Variants in SPAG16 observed in about 807,000 individuals in gnomAD.
SPAG16 encodes sperm associated antigen 16, also known as sperm-associated antigen 16 protein.
In SPAG16, 86 loss-of-function variants were observed where a neutral mutation model predicts 80.4. That is an observed-to-expected ratio of 1.07 (90% CI 0.90 to 1.28). The LOEUF (loss-of-function observed/expected upper bound fraction) is 1.28. Among genes scored for constraint, SPAG16 ranks in the 50% most tolerant of loss-of-function variants. SPAG16 has a pLI of 0.00. For missense variants in SPAG16, 870 were observed against 765.3 expected, an observed-to-expected ratio of 1.14 and a Z score of -1.61; for synonymous variants, 294 against 265.9, an observed-to-expected ratio of 1.11 and a Z score of -1.03.
rs1012044798 is a variant in SPAG16 at position 213,766,864 on chromosome 2, C to T, written c.1071-95621C>T. The stretch of plus-strand genomic sequence containing the variant: ...GGACTGAATTCTGGCCTGCAGCTTC[C>T]TTTCAACACTGTGATTTATTACCTG... On this transcript the variant is annotated intron_variant, in intron 10 of 15. Transcript: ENST00000331683. Among the ~76,000 whole-genome samples the T allele has an allele frequency of 7.2e-5, 11 of 152,278 alleles. No individual in the cohort carries two copies. In the East Asian group the frequency reaches 1.9e-3, roughly 27 times the overall value.
chr2:214,275,708 TCCAACTATG>T (rs1692414391), intron 15 of SPAG16, among the ~76,000 whole-genome samples: 2 of 152,200 alleles, frequency 1.3e-5, no homozygotes, highest in Non-Finnish European at 2.9e-5. Context: ...GTGCTTTACT[TCCAACTATG>T]TGGTCAGTTT....
intron 10 of SPAG16, among the ~76,000 whole-genome samples, chr2:213,735,801 A>G (rs1343317118): frequency 6.6e-6 from 1 of 152,232 alleles, no homozygotes; most frequent in Non-Finnish European, 1.5e-5. Context: ...CAGTTATTTC[A>G]TAGCATTGTG....
chr2:213,799,268 G>T (rs2071234036), intron 10 of SPAG16, among the ~76,000 whole-genome samples: 1 of 151,882 alleles, frequency 6.6e-6, no homozygotes, highest in South Asian at 2.1e-4. Context: ...TTATAGTTTC[G>T]AGTATAAATT....
Position 213,724,475 on chromosome 2 carries a change from AT to A in SPAG16, c.1071-138007del, listed in dbSNP as rs1222374459. On this transcript the variant is annotated intron_variant, in intron 10 of 15. Transcript: ENST00000331683. The stretch of plus-strand genomic sequence containing the variant: ...TGTATTTCCAGAGTAGGTCAAAGTC[AT>A]TTAAAAAAAGGATAAACTGGGCCGG... Among the ~76,000 whole-genome samples the A allele has an allele frequency of 9.9e-5, 15 of 152,230 alleles. No homozygotes were observed. The East Asian group carries it at 2.7e-3, about 27-fold the overall frequency.
At chr2:213,801,611 C>T (rs979527260) in intron 10 of SPAG16, among the ~76,000 whole-genome samples, 8 of 152,064 alleles carry the variant, frequency 5.3e-5, no homozygotes, top group East Asian at 1.9e-4. Flanking sequence ...AAAAAGAGTA[C>T]GGTAAAGAAA....
intron 15 of SPAG16, among the ~76,000 whole-genome samples, chr2:214,203,035 T>A (rs1296534857): frequency 6.6e-6 from 1 of 152,118 alleles, no homozygotes; most frequent in Non-Finnish European, 1.5e-5. Context: ...CCAAAACAGG[T>A]TTTAAATTCT....
In SPAG16 at chr2:214,345,022, A is replaced by G. The variant is rs577430325; in HGVS notation, c.1721-65118A>G. ...TTTTATTGCATGCCTATTATATTCC[A>G]GGCCACACAATATGATGGGAAACAA... On this transcript the variant is annotated intron_variant, in intron 15 of 15. Coordinates refer to ENST00000331683, the MANE Select transcript of SPAG16 (RefSeq NM_024532.5). Among the ~76,000 whole-genome samples the G allele has an allele frequency of 2.6e-5, 4 of 152,212 alleles. No individual in the cohort carries two copies. In the East Asian group the frequency reaches 7.7e-4, roughly 29 times the overall value.
intron 12 of SPAG16, among the ~76,000 whole-genome samples, chr2:213,948,453 TTC>T (rs1313289670): frequency 6.6e-6 from 1 of 152,156 alleles, no homozygotes; most frequent in Non-Finnish European, 1.5e-5. Flanking sequence ...TTTTTAAAAA[TTC>T]TCTCTCTCAC....
At chr2:213,909,430 G>C (rs541627716) in intron 11 of SPAG16, among the ~76,000 whole-genome samples, 1 of 152,204 alleles carries the variant, frequency 6.6e-6, no homozygotes, top group Non-Finnish European at 1.5e-5. Flanking sequence ...TCAATCCTAA[G>C]CCAAAAGAAT....
At chr2:214,031,598 T>TAATAAAATAAAATAAAATAAAATAA (rs56258151) in intron 13 of SPAG16, among the ~76,000 whole-genome samples, 29 of 132,466 alleles carry the variant, frequency 2.2e-4, no homozygotes, top group African/African-American at 8.4e-4. Context: ...AGTATAATAA[T>TAATAAAATAAAATAAAATAAAATAA]AATAAAATAA....
intron 10 of SPAG16, among the ~76,000 whole-genome samples, chr2:213,654,513 G>A (rs2063141980): frequency 1.5e-5 from 2 of 135,810 alleles, no homozygotes; most frequent in Non-Finnish European, 3.1e-5. Flanking sequence ...TGGCTAACAC[G>A]GTGAAACCCC....
intron 11 of SPAG16, among the ~76,000 whole-genome samples, chr2:213,907,197 A>G (rs2077466936): frequency 6.6e-6 from 1 of 152,170 alleles, no homozygotes; most frequent in African/African-American, 2.4e-5. Context: ...CCTACAAGCA[A>G]TCCCATTAAA....
chr2:213,660,257 G>C (rs1227827328), intron 10 of SPAG16, among the ~76,000 whole-genome samples: 1 of 151,448 alleles, frequency 6.6e-6, no homozygotes, highest in African/African-American at 2.4e-5. Context: ...CAACAGAGTG[G>C]CTATTAGTGT....
chr2:213,685,611 G>T (rs1366178785), intron 10 of SPAG16, among the ~76,000 whole-genome samples: 1 of 143,586 alleles, frequency 7.0e-6, no homozygotes, highest in East Asian at 2.1e-4. Flanking sequence ...AGTGTAGATT[G>T]CAAAGGAAGA....
chr2:214,046,359 G>T (rs2049326799), intron 13 of SPAG16, among the ~76,000 whole-genome samples: 1 of 152,108 alleles, frequency 6.6e-6, no homozygotes, highest in South Asian at 2.1e-4. Flanking sequence ...TGTGAGACCA[G>T]TATTACCCTG....
chr2:214,071,678 C>T (rs1393770023), intron 13 of SPAG16, among the ~76,000 whole-genome samples: 1 of 152,082 alleles, frequency 6.6e-6, no homozygotes, highest in African/African-American at 2.4e-5. Flanking sequence ...CTTTCCTATC[C>T]TCCTTCAATT....
chr2:213,467,671 G>A (rs1023958560), intron 9 of SPAG16, among the ~76,000 whole-genome samples: 7 of 152,218 alleles, frequency 4.6e-5, no homozygotes, highest in Non-Finnish European at 8.8e-5. Context: ...GAATGGCAAT[G>A]ACATTTTGAG....
At chr2:213,709,349 G>A (rs935313508) in intron 10 of SPAG16, among the ~76,000 whole-genome samples, 2 of 152,136 alleles carry the variant, frequency 1.3e-5, no homozygotes, top group Non-Finnish European at 2.9e-5. Flanking sequence ...CTATAGGAGG[G>A]ACAAGACATT....
At chr2:213,362,467 A>G (rs2066035540) in intron 7 of SPAG16, among the ~76,000 whole-genome samples, 1 of 152,164 alleles carries the variant, frequency 6.6e-6, no homozygotes, top group African/African-American at 2.4e-5. Context: ...GGAAATAGGG[A>G]AGAAAGTAAC....
Sources: gnomAD v4.1 joint callset for allele counts (sites outside exome capture counted in the v4.1 genomes callset) on GRCh38, gnomAD v4.1.1 for gene constraint, MANE v1.5 for transcripts, NCBI Gene and HGNC (gene_info 2026-07-23, HGNC 2026-07-21) for gene names.